Variants in ATXN2 observed in about 807,000 individuals in gnomAD.
ATXN2 encodes the protein ataxin 2.
In ATXN2, 37 loss-of-function variants were observed where a neutral mutation model predicts 138.6. The observed-to-expected ratio is 0.27, with a 90% CI of 0.21 to 0.35. The LOEUF (loss-of-function observed/expected upper bound fraction) is 0.35. Among genes scored for constraint, ATXN2 ranks in the 10% least tolerant of loss-of-function variants. The pLI is 1.00. For synonymous variants in ATXN2, 549 were observed against 543.7 expected (o/e 1.01, Z -0.13); for missense variants, 1,216 against 1,480.3 (o/e 0.82, Z 2.93).
At chr12:111,573,054 A>AG (rs1162601967) in intron 1 of ATXN2, among the ~76,000 whole-genome samples, 2 of 152,126 alleles carry the variant, frequency 1.3e-5, no homozygotes, top group Non-Finnish European at 2.9e-5. Flanking sequence ...TTTAAAAAAA[A>AG]AAAAATTATA....
intron 18 of ATXN2, among the ~76,000 whole-genome samples, chr12:111,477,396 C>T (rs1876899133): frequency 1.3e-5 from 2 of 151,932 alleles, no homozygotes; most frequent in African/African-American, 2.4e-5. Flanking sequence ...AAAACAGAGG[C>T]TGGTGCCAGA....
At chr12:111,579,074 T>G (rs147464759) in intron 1 of ATXN2, among the ~76,000 whole-genome samples, 152 of 152,192 alleles carry the variant, frequency 1.0e-3, no homozygotes, top group Non-Finnish European at 2.0e-3. Flanking sequence ...AAAGAAAATA[T>G]AGCAGTCACT....
At chr12:111,457,168 C>A in intron 22 of ATXN2, 46 bp downstream of exon 22, 1 of 1,576,856 alleles carries the variant, frequency 6.3e-7, no homozygotes, top group Non-Finnish European at 8.6e-7. Flanking sequence ...CACTCAGATA[C>A]TAGGATAAAG....
intron 1 of ATXN2, among the ~76,000 whole-genome samples, chr12:111,591,161 T>C (rs1419863486): frequency 6.6e-6 from 1 of 152,010 alleles, no homozygotes; most frequent in Non-Finnish European, 1.5e-5. Context: ...AGTGCTGGGA[T>C]TACAGGCGTG....
rs866182957 is a variant in ATXN2 at position 111,488,817 on chromosome 12, A to G, written c.1936-37T>C. 6.0e-6 allele frequency: 9 copies of G among 1,495,136 alleles called. 1 individual carries two copies. The Middle Eastern group carries it at 1.6e-3, about 266-fold the overall frequency. 92.6% of individuals were successfully genotyped at this position (1,495,136 alleles called of 1,614,324 possible). On this transcript the variant is annotated intron_variant, in intron 14 of 24. Transcript: ENST00000673436. Reference sequence around the variant, plus strand: ...AAACAATTATACTTAAATATCTTAAATAACTTTAGTAATACATTTTTGCCA... The same window carrying G: ...AAACAATTATACTTAAATATCTTAAGTAACTTTAGTAATACATTTTTGCCA...
At chr12:111,514,291 C>A (rs889464431) in intron 10 of ATXN2, among the ~76,000 whole-genome samples, 1 of 152,170 alleles carries the variant, frequency 6.6e-6, no homozygotes, top group Non-Finnish European at 1.5e-5. Context: ...CAAAATTCTA[C>A]ATTATTGATT....
At chr12:111,562,057 C>A (rs1882720564) in intron 1 of ATXN2, among the ~76,000 whole-genome samples, 1 of 151,830 alleles carries the variant, frequency 6.6e-6, no homozygotes, top group Non-Finnish European at 1.5e-5. Flanking sequence ...TTGATCCACC[C>A]ACCTCGGCCT....
chr12:111,453,447 T>G lies in ATXN2; in HGVS notation c.3439+230A>C. 6 of 1,260,826 alleles carry G rather than the reference T, an allele frequency of 4.8e-6. No homozygotes were observed. Among genetic ancestry groups the G allele is most frequent in the Non-Finnish European group, 6.0e-6 (6 of 1,003,978 alleles). 78.1% of individuals were successfully genotyped at this position (1,260,826 alleles called of 1,614,324 possible). On this transcript the variant is annotated intron_variant, in intron 24 of 24. Coordinates refer to ENST00000673436, the MANE Select transcript of ATXN2 (RefSeq NM_001372574.1). The surrounding 1 kb of genome is among the most constrained non-coding windows in gnomAD (Gnocchi z 5.4). ...GGCTGCTGTTGCTGCTGCTGCTGCT[T>G]CTCATCAAGCCAAATCCTGTATACC... is the stretch of plus-strand genomic sequence containing the variant.
intron 1 of ATXN2, among the ~76,000 whole-genome samples, chr12:111,563,301 GTGTGTATATATA>G (rs1882799513): frequency 6.6e-6 from 1 of 152,024 alleles, no homozygotes; most frequent in Non-Finnish European, 1.5e-5. Context: ...TAGAATATAT[GTGTGTATATATA>G]TGTGTATATA....
intron 14 of ATXN2, among the ~76,000 whole-genome samples, chr12:111,506,795 C>G (rs1879148212): frequency 6.6e-6 from 1 of 152,198 alleles, no homozygotes; most frequent in African/African-American, 2.4e-5. Flanking sequence ...TGCCTAGTGC[C>G]TGTGATTGCA....
rs889466604 is a variant in ATXN2 at position 111,559,034 on chromosome 12, G to A, written c.252-3115C>T. On this transcript the variant is annotated intron_variant, in intron 1 of 24. Transcript: ENST00000673436. The stretch of plus-strand genomic sequence containing the variant: ...CAAGTTTACAGATCTACCAGTTTAC[G>A]AGAAACATTAAGATGGAAGAATATA... 4.6e-5 allele frequency among the ~76,000 whole-genome samples: 7 copies of A among 151,004 alleles called. No homozygotes were observed. In the East Asian group the frequency reaches 5.8e-4, roughly 13 times the overall value.
chr12:111,565,002 C>T (rs915757157), intron 1 of ATXN2: 2 of 152,142 alleles, frequency 1.3e-5, no homozygotes, highest in Non-Finnish European at 2.9e-5. Context: ...GGATTACAGG[C>T]ATAAGACACC....
chr12:111,598,416 C>T lies in ATXN2; in HGVS notation c.251+368G>A, dbSNP rs548265452. On this transcript the variant is annotated intron_variant, in intron 1 of 24. Coordinates refer to ENST00000673436, the MANE Select transcript of ATXN2 (RefSeq NM_001372574.1). This position sits in a 1 kb window ranked among gnomAD's most constrained non-coding sequence, Gnocchi z 4.5. Reference sequence around the variant, plus strand: ...ACCTAAACCGGGAGTGGAGGAGCTGCCCGAGCATCCCCACGCTGCGGGCGG... The same window carrying T: ...ACCTAAACCGGGAGTGGAGGAGCTGTCCGAGCATCCCCACGCTGCGGGCGG... The T allele has an allele frequency of 3.3e-5, 33 of 985,706 alleles. 1 individual carries two copies. In the African/African-American group the frequency reaches 5.6e-4, roughly 17 times the overall value. The allele number at this position is 985,706 out of a possible 1,614,324, so 61.1% of individuals were successfully genotyped here. A position where few individuals can be genotyped will look rare whatever the true frequency, so the allele number is the denominator to read the frequency against.
intron 1 of ATXN2, among the ~76,000 whole-genome samples, chr12:111,561,869 T>C (rs1882707071): frequency 6.6e-6 from 1 of 151,742 alleles, no homozygotes; most frequent in African/African-American, 2.4e-5. Context: ...TGGAGTGCAG[T>C]GGCATGATCT....
chr12:111,557,484 A>C (rs1370289408), intron 1 of ATXN2, among the ~76,000 whole-genome samples: 1 of 152,222 alleles, frequency 6.6e-6, no homozygotes, highest in Non-Finnish European at 1.5e-5. Flanking sequence ...AATATGACTA[A>C]TAATTTATCT....
chr12:111,465,854 T>TG (rs753240896), intron 20 of ATXN2, among the ~76,000 whole-genome samples: 1 of 133,666 alleles, frequency 7.5e-6, no homozygotes, highest in Non-Finnish European at 1.6e-5. Flanking sequence ...GTAGAGGCAA[T>TG]GATGGAAGTT....
In ATXN2 at chr12:111,577,451, G is replaced by C. The variant is rs1187800086; in HGVS notation, c.251+21333C>G. 2.0e-5 allele frequency among the ~76,000 whole-genome samples: 3 copies of C among 151,476 alleles called. No homozygotes were observed. In the South Asian group the frequency reaches 6.3e-4, roughly 32 times the overall value. ...CGGTTAATTTTTAGTATTTTTAGTAGAGACGGGGTTTCACCGTGTTAGCCA... is the reference window on the plus strand; with the variant it reads ...CGGTTAATTTTTAGTATTTTTAGTACAGACGGGGTTTCACCGTGTTAGCCA... On this transcript the variant is annotated intron_variant, in intron 1 of 24. Transcript: ENST00000673436.
In ATXN2 at chr12:111,555,927, G is replaced by T. The variant is rs185320617; in HGVS notation, c.252-8C>A. The T allele has an allele frequency of 3.8e-6, 6 of 1,585,750 alleles. No individual in the cohort carries two copies. In the African/African-American group the frequency reaches 8.2e-5, roughly 22 times the overall value. On this transcript the variant is annotated splice_polypyrimidine_tract_variant and splice_region_variant and intron_variant, in intron 1 of 24. Transcript: ENST00000673436. ...TTGTTACTGTTTCGACCTCTGAAAA[G>T]ATTAAATATTATTTTTATTAAATTC...
At chr12:111,574,321 A>AG (rs1241886185) in intron 1 of ATXN2, among the ~76,000 whole-genome samples, 4 of 151,492 alleles carry the variant, frequency 2.6e-5, no homozygotes, top group African/African-American at 9.7e-5. Flanking sequence ...AAAAAAAAAA[A>AG]AAAAAAAAAA....
Sources: allele counts gnomAD v4.1 joint callset (sites outside exome capture counted in the v4.1 genomes callset), GRCh38; gene constraint gnomAD v4.1.1; non-coding constraint Gnocchi (gnomAD v3.1); transcripts MANE v1.5; gene names NCBI Gene and HGNC (gene_info 2026-07-23, HGNC 2026-07-21).